Variants in SGPP2 observed in about 807,000 individuals in gnomAD.
SGPP2 encodes sphingosine 1-phosphate phosphohydrolase 2.
SGPP2 carries 30 observed loss-of-function variants against 33.9 expected under a neutral mutation model. That is an observed-to-expected ratio of 0.89 (90% CI 0.66 to 1.20). The LOEUF (loss-of-function observed/expected upper bound fraction) is 1.20, where lower values mean the gene tolerates loss of function less well. Among genes scored for constraint, SGPP2 ranks in the 50% most tolerant of loss-of-function variants. The pLI is 0.00. For missense variants in SGPP2, 458 were observed against 532.1 expected (o/e 0.86, Z 1.37); for synonymous variants, 233 against 225.0 (o/e 1.04, Z -0.32).
intron 2 of SGPP2, among the ~76,000 whole-genome samples, chr2:222,483,405 G>C (rs1025268392): frequency 2.0e-5 from 3 of 151,784 alleles, no homozygotes; most frequent in African/African-American, 7.3e-5. Context: ...ATCCTTCTAA[G>C]ACAAATTATG....
At chr2:222,483,517 T>C (rs1698060844) in intron 2 of SGPP2, among the ~76,000 whole-genome samples, 1 of 152,164 alleles carries the variant, frequency 6.6e-6, no homozygotes, top group African/African-American at 2.4e-5. Flanking sequence ...ACACTGAAAA[T>C]TTACATTTAA....
rs547235842 is a variant in SGPP2, at chr2:222,473,012, T to C, written c.220-1556T>C. Among the ~76,000 whole-genome samples the C allele has an allele frequency of 1.0e-3, 154 of 152,104 alleles. 1 individual carries two copies. Among genetic ancestry groups the C allele is most frequent in the African/African-American group, 3.5e-3 (146 of 41,476 alleles). ...CTGGGTGACAGAGCGAGACTCGGTC[T>C]CAAAAAAACAAACAAACAAAAAATA... On this transcript the variant is annotated intron_variant, in intron 1 of 4. Coordinates refer to ENST00000321276, the MANE Select transcript of SGPP2 (RefSeq NM_152386.4).
intron 2 of SGPP2, among the ~76,000 whole-genome samples, chr2:222,490,071 G>A (rs1397378250): frequency 6.6e-6 from 1 of 152,214 alleles, no homozygotes; most frequent in East Asian, 1.9e-4. Flanking sequence ...AAAAGGATGT[G>A]TTTAAGGATG....
chr2:222,466,253 C>CTTTTTTTTTT (rs34005867), intron 1 of SGPP2, among the ~76,000 whole-genome samples: 1 of 104,704 alleles, frequency 9.6e-6, no homozygotes, highest in Admixed American at 1.1e-4. Context: ...CTGTTTTCAA[C>CTTTTTTTTTT]TTTTTTTTTT....
intron 1 of SGPP2, among the ~76,000 whole-genome samples, chr2:222,426,365 C>T (rs1697072077): frequency 6.6e-6 from 1 of 152,212 alleles, no homozygotes; most frequent in South Asian, 2.1e-4. Context: ...TCTTCACAAG[C>T]TTCTACCCTG....
intron 2 of SGPP2, among the ~76,000 whole-genome samples, chr2:222,494,602 G>A (rs572362110): frequency 5.3e-5 from 8 of 152,346 alleles, no homozygotes; most frequent in Admixed American, 3.3e-4. Flanking sequence ...TTGGCCCTGC[G>A]TGTGCAGTTC....
At chr2:222,484,754 C>T (rs1463229398) in intron 2 of SGPP2, among the ~76,000 whole-genome samples, 1 of 152,188 alleles carries the variant, frequency 6.6e-6, no homozygotes, top group South Asian at 2.1e-4. Context: ...GATTGGTCCC[C>T]ATAGAGGCTT....
At chr2:222,434,934 A>G (rs1697211910) in intron 1 of SGPP2, among the ~76,000 whole-genome samples, 1 of 150,632 alleles carries the variant, frequency 6.6e-6, no homozygotes, top group African/African-American at 2.4e-5. Flanking sequence ...TTTGTATATT[A>G]GGGTTCTCTA....
At chr2:222,435,014 A>ATG (rs1697215263) in intron 1 of SGPP2, among the ~76,000 whole-genome samples, 1 of 35,624 alleles carries the variant, frequency 2.8e-5, no homozygotes, top group Non-Finnish European at 6.5e-5. Context: ...ACACACACAT[A>ATG]TGTGTATATG....
intron 1 of SGPP2, among the ~76,000 whole-genome samples, chr2:222,443,440 A>C (rs1697355149): frequency 6.6e-6 from 1 of 152,112 alleles, no homozygotes; most frequent in South Asian, 2.1e-4. Flanking sequence ...GTTTGTACCC[A>C]ATGTTTAGCT....
intron 4 of SGPP2, among the ~76,000 whole-genome samples, chr2:222,531,361 T>G (rs1317314137): frequency 6.6e-6 from 1 of 152,226 alleles, no homozygotes; most frequent in Admixed American, 6.5e-5. Flanking sequence ...TGGGGAATTC[T>G]GACACCTGCT....
At chr2:222,442,174 T>A (rs949293009) in intron 1 of SGPP2, among the ~76,000 whole-genome samples, 3 of 152,250 alleles carry the variant, frequency 2.0e-5, no homozygotes, top group Non-Finnish European at 4.4e-5. Context: ...AGATGTTGAA[T>A]GTTATATCTC....
Position 222,424,704 on chromosome 2 carries a change from C to T in SGPP2, c.102C>T (p.Asn34=). The change falls in exon 1 of 5, where the codon AAC becomes AAT. Residue 34 remains asparagine, a synonymous_variant. Transcript: ENST00000321276. ...CTCCGGATGAAGGCCCCCGGGAGAA[C>T]GGCGCGGACCCCACGGAGCGCGCGG... ...FPAPDEGPRE[N]GADPTERAAR... 1 of 1,445,388 alleles carries T rather than the reference C, an allele frequency of 6.9e-7. No homozygotes were observed. Among genetic ancestry groups the T allele is most frequent in the East Asian group, 3.1e-5 (1 of 32,638 alleles). The allele number at this position is 1,445,388 out of a possible 1,614,324, so 89.5% of individuals were successfully genotyped here. A position where few individuals can be genotyped will look rare whatever the true frequency, so the allele number is the denominator to read the frequency against.
chr2:222,537,143 T>G (rs1384968698), intron 4 of SGPP2, among the ~76,000 whole-genome samples: 5 of 152,334 alleles, frequency 3.3e-5, no homozygotes, highest in Non-Finnish European at 5.9e-5. Context: ...GTATTCTTCA[T>G]GCTGTTTCCA....
At chr2:222,472,391 G>A (rs1332908802) in intron 1 of SGPP2, among the ~76,000 whole-genome samples, 1 of 152,020 alleles carries the variant, frequency 6.6e-6, no homozygotes. Context: ...TCTGAGTGGG[G>A]GCAACAGGAC....
At chr2:222,509,716 C>T (rs1018477631) in intron 2 of SGPP2, among the ~76,000 whole-genome samples, 4 of 152,176 alleles carry the variant, frequency 2.6e-5, no homozygotes, top group Non-Finnish European at 5.9e-5. Flanking sequence ...AAAGGTACAC[C>T]AGGACTTATC....
chr2:222,499,984 G>A (rs1047834803), intron 2 of SGPP2, among the ~76,000 whole-genome samples: 1 of 152,142 alleles, frequency 6.6e-6, no homozygotes. Flanking sequence ...GAACCCTTTG[G>A]TTGGCAGAAG....
intron 1 of SGPP2, among the ~76,000 whole-genome samples, chr2:222,466,687 T>C (rs1055154614): frequency 1.3e-5 from 2 of 152,204 alleles, no homozygotes; most frequent in Admixed American, 1.3e-4. Context: ...GGTTTTTTTT[T>C]GGTATTGTGA....
intron 1 of SGPP2, among the ~76,000 whole-genome samples, chr2:222,448,471 A>C (rs1321602919): frequency 6.6e-6 from 1 of 152,184 alleles, no homozygotes; most frequent in Non-Finnish European, 1.5e-5. Context: ...TTGGTGCATA[A>C]ACATGGGCAA....
Sources: gnomAD v4.1 joint callset for allele counts (sites outside exome capture counted in the v4.1 genomes callset) on GRCh38, gnomAD v4.1.1 for gene constraint, MANE v1.5 for transcripts, NCBI Gene and HGNC (gene_info 2026-07-23, HGNC 2026-07-21) for gene names.